CACNA1C: variants seen among roughly 807,000 people sequenced by gnomAD.
CACNA1C encodes the protein calcium voltage-gated channel subunit alpha1 C.
In CACNA1C, 30 loss-of-function variants were observed where a neutral mutation model predicts 229.0. The ratio of observed to expected loss-of-function variants is 0.13; its 90% CI spans 0.10 to 0.18. The LOEUF is 0.18. Ranked by LOEUF, CACNA1C falls within the 10% of genes least tolerant of loss-of-function variation. The pLI is 1.00. For missense variants in CACNA1C, 1,658 were observed against 2,845.0 expected, an observed-to-expected ratio of 0.58 and a Z score of 9.49; for synonymous variants, 1,114 against 1,132.5, an observed-to-expected ratio of 0.98 and a Z score of 0.33.
chr12:2,192,908 C>T (rs901039874), intron 3 of CACNA1C, among the ~76,000 whole-genome samples: 11 of 152,230 alleles, frequency 7.2e-5, no homozygotes, highest in African/African-American at 2.7e-4. Flanking sequence ...GGCCTTTGTC[C>T]TCTGCATTCA....
At chr12:2,007,961 T>G (rs2043753891) in intron 1 of CACNA1C, among the ~76,000 whole-genome samples, 1 of 150,748 alleles carries the variant, frequency 6.6e-6, no homozygotes, top group South Asian at 2.1e-4. Context: ...TTTCCAATTC[T>G]AAAAAAAAAC....
rs1218064776 is a variant in CACNA1C at position 2,405,272 on chromosome 12, C to T, written c.478-43704C>T. On this transcript the variant is annotated intron_variant, in intron 3 of 46. Transcript: ENST00000399655. The stretch of plus-strand genomic sequence containing the variant: ...CATAACGATGGCACAGTATCAAAAC[C>T]AGGAAACTGACTTTGGAACAACGTG... Among the ~76,000 whole-genome samples, 3 of 152,282 alleles carry T rather than the reference C, an allele frequency of 2.0e-5. No homozygotes were observed. The East Asian group carries it at 5.8e-4, about 29-fold the overall frequency.
intron 3 of CACNA1C, among the ~76,000 whole-genome samples, chr12:2,236,629 T>TA (rs1402797586): frequency 6.6e-6 from 1 of 152,156 alleles, no homozygotes; most frequent in Non-Finnish European, 1.5e-5. Flanking sequence ...TTTTCTCAGT[T>TA]ACCATTATAT....
intron 5 of CACNA1C, among the ~76,000 whole-genome samples, chr12:2,483,114 G>A (rs2099682857): frequency 6.6e-6 from 1 of 152,230 alleles, no homozygotes; most frequent in Admixed American, 6.5e-5. Context: ...TGAGACTCAA[G>A]GAGCTCTCAG....
chr12:2,393,222 A>G (rs2098517489), intron 3 of CACNA1C, among the ~76,000 whole-genome samples: 1 of 152,176 alleles, frequency 6.6e-6, no homozygotes, highest in African/African-American at 2.4e-5. Flanking sequence ...GAAGCCGCCT[A>G]GCAAACTGCA....
rs567390140 is a variant in CACNA1C at position 2,322,243 on chromosome 12, C to G, written c.478-126733C>G. 1.1e-3 allele frequency among the ~76,000 whole-genome samples: 163 copies of G among 152,320 alleles called. 1 individual carries two copies. Among genetic ancestry groups the G allele is most frequent in the African/African-American group, 3.7e-3 (152 of 41,558 alleles). The stretch of plus-strand genomic sequence containing the variant: ...ACATCTGCCTACAAGGTGAATCGGG[C>G]TGAATCACAGGGGCACTGGAGCCAC... On this transcript the variant is annotated intron_variant, in intron 3 of 46. Transcript: ENST00000399655.
chr12:2,605,803 G>T lies in CACNA1C; in HGVS notation c.3156+17G>T, dbSNP rs201709484. 3 of 1,535,252 alleles carry T rather than the reference G, an allele frequency of 2.0e-6. No individual in the cohort carries two copies. In the South Asian group the frequency reaches 3.3e-5, roughly 17 times the overall value. ...CTCTTCAAGGTAAAGTCTGGGCTCC[G>T]TTGTGGTCCTCCTACCTCCCCTCCC... On this transcript the variant is annotated intron_variant, in intron 24 of 46. Transcript: ENST00000399655. The surrounding 1 kb of genome is among the most constrained non-coding windows in gnomAD (Gnocchi z 6.2).
At chr12:2,641,826 C>T (rs376414745) in intron 30 of CACNA1C, 2 of 701,320 alleles carry the variant, frequency 2.9e-6, no homozygotes, top group South Asian at 1.5e-5. Flanking sequence ...CCCATCCCCC[C>T]ACAAAGGCTG....
At position 2,186,202 on chromosome 12, in the gene CACNA1C, C is replaced by A. The variant is rs147317494; in HGVS notation, c.477+65772C>A. On this transcript the variant is annotated intron_variant, in intron 3 of 46. Coordinates refer to ENST00000399655, the MANE Select transcript of CACNA1C (RefSeq NM_000719.7). The stretch of plus-strand genomic sequence containing the variant: ...ATGGTTGCAATAAAGGTCTCCCTTC[C>A]CGACATGTGGCCAGCACAGAGCCTT... 7.4e-3 allele frequency among the ~76,000 whole-genome samples: 1,134 copies of A among 152,324 alleles called. 9 individuals carry two copies. The highest frequency in any genetic ancestry group is 0.017 in the Middle Eastern group (5 of 294).
intron 4 of CACNA1C, among the ~76,000 whole-genome samples, chr12:2,451,227 C>T (rs200044266): frequency 3.9e-5 from 6 of 152,322 alleles, no homozygotes; most frequent in East Asian, 1.9e-4. Context: ...AGTGGCTAAA[C>T]GCATGCCTTG....
At chr12:2,514,271 C>T (rs2099791364) in intron 9 of CACNA1C, among the ~76,000 whole-genome samples, 1 of 152,166 alleles carries the variant, frequency 6.6e-6, no homozygotes, top group South Asian at 2.1e-4. Context: ...AATCTCTGCT[C>T]CCTCATTTCA....
At chr12:2,547,884 G>A (rs1163431114) in intron 9 of CACNA1C, among the ~76,000 whole-genome samples, 1 of 152,132 alleles carries the variant, frequency 6.6e-6, no homozygotes, top group African/African-American at 2.4e-5. Flanking sequence ...GTTATTTCCA[G>A]TGCCCAGGCC....
intron 1 of CACNA1C, among the ~76,000 whole-genome samples, chr12:2,095,293 A>C (rs2073368663): frequency 6.6e-6 from 1 of 152,116 alleles, no homozygotes; most frequent in South Asian, 2.1e-4. Context: ...AAAGGTTATG[A>C]CCCTCCTAAT....
intron 3 of CACNA1C, among the ~76,000 whole-genome samples, chr12:2,151,084 C>G (rs1343381765): frequency 6.6e-6 from 1 of 152,166 alleles, no homozygotes; most frequent in Admixed American, 6.5e-5. Flanking sequence ...CTACTGAACT[C>G]ATGAACTTTG....
In CACNA1C at chr12:2,107,043, TG is replaced by T. The variant is rs1463714912; in HGVS notation, c.50-8177del. On this transcript the variant is annotated intron_variant, in intron 1 of 46. Transcript: ENST00000399655. ...CCCCGGGGAGGTTTTCCACCTCAGC[TG>T]GGGTGTCCTGAAACCACTGGGTGCT... Among the ~76,000 whole-genome samples, 3 of 89,332 alleles carry T rather than the reference TG, an allele frequency of 3.4e-5. 1 individual carries two copies. The highest frequency in any genetic ancestry group is 5.0e-5 in the Non-Finnish European group (2 of 39,624). The allele number at this position is 89,332 out of a possible 152,430, so 58.6% of individuals were successfully genotyped here.
At chr12:2,156,142 T>C (rs574081058) in intron 3 of CACNA1C, among the ~76,000 whole-genome samples, 9 of 152,286 alleles carry the variant, frequency 5.9e-5, no homozygotes, top group African/African-American at 1.7e-4. Context: ...TCTTTTAAGG[T>C]ACACATACAT....
chr12:2,161,580 G>C (rs2095858063), intron 3 of CACNA1C, among the ~76,000 whole-genome samples: 1 of 152,218 alleles, frequency 6.6e-6, no homozygotes, highest in Non-Finnish European at 1.5e-5. Context: ...AGAGGGAATG[G>C]GAGCCTCAAG....
chr12:2,399,356 G>A lies in CACNA1C; in HGVS notation c.478-49620G>A, dbSNP rs115970523. Among the ~76,000 whole-genome samples, 659 of 152,256 alleles carry A rather than the reference G, an allele frequency of 4.3e-3. 3 individuals are homozygous for A. Among genetic ancestry groups the A allele is most frequent in the African/African-American group, 0.015 (626 of 41,530 alleles). On this transcript the variant is annotated intron_variant, in intron 3 of 46. Coordinates refer to ENST00000399655, the MANE Select transcript of CACNA1C (RefSeq NM_000719.7). Reference sequence around the variant, plus strand: ...CCTCTTGGTGCCTGGGTTCTTGTCCGGGATCTAGGAAGAATCAGGTCACAC... The same window carrying A: ...CCTCTTGGTGCCTGGGTTCTTGTCCAGGATCTAGGAAGAATCAGGTCACAC...
intron 29 of CACNA1C, among the ~76,000 whole-genome samples, chr12:2,625,471 C>T (rs2085883367): frequency 6.6e-6 from 1 of 152,206 alleles, no homozygotes; most frequent in South Asian, 2.1e-4. Flanking sequence ...GTGCTTCCGG[C>T]CCTGCGCTGG....
Sources: allele counts gnomAD v4.1 joint callset (sites outside exome capture counted in the v4.1 genomes callset), GRCh38; gene constraint gnomAD v4.1.1; non-coding constraint Gnocchi (gnomAD v3.1); transcripts MANE v1.5; gene names NCBI Gene and HGNC (gene_info 2026-07-23, HGNC 2026-07-21).